The following ZNF565 variants were observed in gnomAD, a reference collection of about 807,000 sequenced individuals.
ZNF565 encodes zinc finger protein 565.
Under a neutral mutation model 39.4 loss-of-function variants are expected in ZNF565, and 27 were observed. The observed-to-expected ratio is 0.69, with a 90% CI of 0.51 to 0.95. The LOEUF (loss-of-function observed/expected upper bound fraction) is 0.95, where lower values mean the gene tolerates loss of function less well. Among genes scored for constraint, ZNF565 ranks in the 40% least tolerant of loss-of-function variants. The probability of loss-of-function intolerance (pLI) is 0.00; values close to 1 mark genes in which losing one functional copy is unlikely to be tolerated. For synonymous variants in ZNF565, 185 were observed against 216.6 expected (o/e 0.85, Z 1.28); for missense variants, 524 against 621.1 (o/e 0.84, Z 1.66).
intron 1 of ZNF565, among the ~76,000 whole-genome samples, chr19:36,220,490 G>A (rs933357583): frequency 1.1e-4 from 16 of 152,016 alleles, no homozygotes; most frequent in East Asian, 9.7e-4. Context: ...TCAGCCTCCC[G>A]AGTAGCTGGG....
chr19:36,212,941 A>C (rs967657404), intron 1 of ZNF565: 3 of 152,140 alleles, frequency 2.0e-5, no homozygotes, highest in African/African-American at 7.2e-5. Context: ...TGAACTTGGC[A>C]CCTTTCTTGG....
chr19:36,221,231 T>G (rs1976821156), intron 1 of ZNF565, among the ~76,000 whole-genome samples: 1 of 151,944 alleles, frequency 6.6e-6, no homozygotes, highest in African/African-American at 2.4e-5. Flanking sequence ...GGAATTATGT[T>G]ACTAAATTAA....
intron 1 of ZNF565, chr19:36,236,623 ACAT>A (rs1977654870): frequency 6.2e-7 from 1 of 1,614,096 alleles, no homozygotes; most frequent in African/African-American, 1.3e-5. Flanking sequence ...ATGTCATTAA[ACAT>A]CAGAACACCC....
intron 4 of ZNF565, among the ~76,000 whole-genome samples, chr19:36,193,181 G>A (rs1163823510): frequency 1.3e-5 from 2 of 151,836 alleles, no homozygotes; most frequent in East Asian, 3.9e-4. Context: ...ATTTTTAGTA[G>A]AGACAGGGTT....
intron 1 of ZNF565, among the ~76,000 whole-genome samples, chr19:36,240,751 C>G (rs1001844877): frequency 5.9e-5 from 9 of 152,040 alleles, no homozygotes; most frequent in Non-Finnish European, 1.3e-4. Flanking sequence ...CACCTGTAAT[C>G]CCAGCTACTT....
At position 36,245,631 on chromosome 19, in the gene ZNF565, C is replaced by T. The variant is rs1287230767; in HGVS notation, c.-101G>A. The T allele has an allele frequency of 1.4e-6, 1 of 696,652 alleles. No individual in the cohort carries two copies. Among genetic ancestry groups the T allele is most frequent in the African/African-American group, 1.7e-5 (1 of 57,272 alleles). 43.2% of individuals were successfully genotyped at this position (696,652 alleles called of 1,614,324 possible). ...CCCAGCTTCGAGGCTACCACCTGCC[C>T]GAATTGGTGCTTTGGCAGAGTCTCT... On this transcript the variant is annotated 5_prime_UTR_variant, in exon 1 of 5. Coordinates refer to the ZNF565 transcript ENST00000355114. The surrounding 1 kb of genome is among the most constrained non-coding windows in gnomAD (Gnocchi z 4.4).
rs1007669851 is a variant in ZNF565, at chr19:36,195,080, T to G, written c.86A>C (p.Asp29Ala). The G allele has an allele frequency of 1.2e-6, 2 of 1,614,074 alleles. No individual in the cohort carries two copies. The highest frequency in any genetic ancestry group is 2.2e-5 in the East Asian group (1 of 44,884). The part of the protein sequence containing the change: ...EWKCLEPAQR[D>A]LYREVTLENF... ...CTCCAGAGTCACCTCCCTGTACAAGTCCCTCTGAGCAGGTTCCAGGCACTT... is the reference window on the plus strand; with the variant it reads ...CTCCAGAGTCACCTCCCTGTACAAGGCCCTCTGAGCAGGTTCCAGGCACTT... The change falls in exon 3 of 5, where the codon GAC (aspartate) becomes GCC (alanine). Residue 29 changes from aspartate (D) to alanine (A), a missense_variant. Physicochemically the swap from Asp to Ala is moderately radical, Grantham distance 126 (BLOSUM62 -2). Coordinates refer to ENST00000304116, the MANE Select transcript of ZNF565 (RefSeq NM_152477.5).
chr19:36,183,895 T>C (rs1027560948), intron 4 of ZNF565, among the ~76,000 whole-genome samples, 162 bp from the exon 5 acceptor site: 7 of 151,688 alleles, frequency 4.6e-5, no homozygotes, highest in East Asian at 1.9e-4. Flanking sequence ...CTGGCCAAGA[T>C]GGTGAAACCC....
At chr19:36,228,043 C>T (rs1977152068) in intron 1 of ZNF565, among the ~76,000 whole-genome samples, 1 of 151,740 alleles carries the variant, frequency 6.6e-6, no homozygotes, top group East Asian at 1.9e-4. Context: ...ACCCATAATC[C>T]CAGCTACTCA....
chr19:36,235,575 AG>A, intron 1 of ZNF565: 1 of 152,320 alleles, frequency 6.6e-6, no homozygotes, highest in East Asian at 1.9e-4. Context: ...GGTAAAATGA[AG>A]GGCTTACCAT....
chr19:36,188,363 A>G (rs2145305592), intron 4 of ZNF565, among the ~76,000 whole-genome samples: 1 of 149,510 alleles, frequency 6.7e-6, no homozygotes, highest in African/African-American at 2.5e-5. Flanking sequence ...GCTTCAAGGA[A>G]AAATAAAAGA....
chr19:36,234,012 C>T (rs1234790677), intron 1 of ZNF565, among the ~76,000 whole-genome samples: 1 of 152,110 alleles, frequency 6.6e-6, no homozygotes, highest in Non-Finnish European at 1.5e-5. Flanking sequence ...CCTGGCTTTC[C>T]TAGGCAGAGG....
intron 4 of ZNF565, 101 bp from the exon 5 acceptor site, chr19:36,183,834 C>T (rs1356596107): frequency 1.8e-6 from 2 of 1,091,666 alleles, no homozygotes; most frequent in African/African-American, 3.2e-5. Flanking sequence ...CATCTGTAAT[C>T]CCAGCACTTT....
At chr19:36,214,544 AGCC>A (rs1250317137) in intron 1 of ZNF565, 75 bp downstream of exon 1, 4 of 153,374 alleles carry the variant, frequency 2.6e-5, no homozygotes, top group Non-Finnish European at 4.4e-5. Flanking sequence ...GCGCATCCGC[AGCC>A]AGCTCCCGCC....
At chr19:36,234,174 A>G (rs995297156) in intron 1 of ZNF565, among the ~76,000 whole-genome samples, 2 of 152,212 alleles carry the variant, frequency 1.3e-5, no homozygotes, top group African/African-American at 4.8e-5. Context: ...TTGACACAGC[A>G]CATGTTTCAG....
chr19:36,194,188 G>C (rs372141793), intron 4 of ZNF565, 45 bp downstream of exon 4: 6 of 1,517,598 alleles, frequency 4.0e-6, no homozygotes, highest in Admixed American at 1.9e-5. Context: ...CCTGTCAGTC[G>C]ACTCATCCAG....
intron 1 of ZNF565, among the ~76,000 whole-genome samples, chr19:36,229,390 G>C (rs7248820): frequency 6.6e-6 from 1 of 152,006 alleles, no homozygotes; most frequent in Non-Finnish European, 1.5e-5. Context: ...TATGTGTGGG[G>C]GTCTATATGT....
At chr19:36,224,585 G>C (rs903448178) in intron 1 of ZNF565, among the ~76,000 whole-genome samples, 1 of 152,152 alleles carries the variant, frequency 6.6e-6, no homozygotes, top group Non-Finnish European at 1.5e-5. Flanking sequence ...TTGTGGTATA[G>C]CTAGTCTCTT....
Position 36,245,660 on chromosome 19 carries a change from G to C in ZNF565, c.-130C>G, listed in dbSNP as rs1384319033. 2 of 680,796 alleles carry C rather than the reference G, an allele frequency of 2.9e-6. No individual in the cohort carries two copies. Among genetic ancestry groups the C allele is most frequent in the South Asian group, 3.1e-5 (2 of 63,580 alleles). The allele number at this position is 680,796 out of a possible 1,614,324, so 42.2% of individuals were successfully genotyped here. On this transcript the variant is annotated 5_prime_UTR_variant, in exon 1 of 5. Transcript: ENST00000355114. The surrounding 1 kb of genome is among the most constrained non-coding windows in gnomAD (Gnocchi z 4.4). ...TTGGTGCTTTGGCAGAGTCTCTGGT[G>C]CCCGGGTGAATGGGTTCAGGGTCTC... is the stretch of plus-strand genomic sequence containing the variant.
Sources: allele counts gnomAD v4.1 joint callset (sites outside exome capture counted in the v4.1 genomes callset), GRCh38; gene constraint gnomAD v4.1.1; non-coding constraint Gnocchi (gnomAD v3.1); transcripts MANE v1.5; gene names NCBI Gene and HGNC (gene_info 2026-07-23, HGNC 2026-07-21).